The following SLC39A11 variants were observed in gnomAD, a reference collection of about 807,000 sequenced individuals.
The protein encoded by SLC39A11 is zinc transporter ZIP11.
Under a neutral mutation model 36.1 loss-of-function variants are expected in SLC39A11, and 33 were observed. That is an observed-to-expected ratio of 0.91 (90% CI 0.69 to 1.22). The LOEUF is 1.22. Ranked by LOEUF, SLC39A11 falls within the 50% of genes most tolerant of loss-of-function variation. SLC39A11 has a pLI of 0.00. For synonymous variants in SLC39A11, 166 were observed against 170.3 expected (o/e 0.97, Z 0.20); for missense variants, 432 against 430.3 (o/e 1.00, Z -0.03).
At chr17:72,698,597 A>T (rs1259166433) in intron 7 of SLC39A11, among the ~76,000 whole-genome samples, 1 of 152,168 alleles carries the variant, frequency 6.6e-6, no homozygotes, top group Non-Finnish European at 1.5e-5. Context: ...AAAAGAAAAG[A>T]CAAAAAGAAA....
intron 5 of SLC39A11, among the ~76,000 whole-genome samples, chr17:72,867,037 A>G (rs537026357): frequency 1.3e-5 from 2 of 152,342 alleles, no homozygotes; most frequent in Admixed American, 6.5e-5. Flanking sequence ...AACAAAAACA[A>G]TAACAATACT....
chr17:72,928,089 C>T (rs141644382), intron 5 of SLC39A11, among the ~76,000 whole-genome samples: 117 of 152,268 alleles, frequency 7.7e-4, no homozygotes, highest in East Asian at 7.3e-3. Flanking sequence ...CCAGGCCTAA[C>T]GATTGGATTC....
chr17:72,912,901 G>A (rs1385604818), intron 5 of SLC39A11, among the ~76,000 whole-genome samples: 2 of 152,056 alleles, frequency 1.3e-5, no homozygotes, highest in Admixed American at 6.6e-5. Context: ...ATTGGCAATC[G>A]GCTCAAGAGT....
intron 6 of SLC39A11, among the ~76,000 whole-genome samples, chr17:72,802,393 C>T (rs2077116810): frequency 6.6e-6 from 1 of 151,748 alleles, no homozygotes; most frequent in Admixed American, 6.6e-5. Flanking sequence ...AGTTTGAGAC[C>T]AGCCTGACCA....
chr17:73,040,877 C>T (rs1384533801), intron 3 of SLC39A11, among the ~76,000 whole-genome samples: 1 of 151,262 alleles, frequency 6.6e-6, no homozygotes, highest in Non-Finnish European at 1.5e-5. Flanking sequence ...CCCAGCTGCT[C>T]GGAAGGCTGA....
chr17:72,664,546 T>C (rs1300355446), intron 7 of SLC39A11, among the ~76,000 whole-genome samples: 2 of 152,214 alleles, frequency 1.3e-5, no homozygotes, highest in Non-Finnish European at 2.9e-5. Flanking sequence ...TCCATGGCTA[T>C]ACTAAGGTGC....
chr17:72,781,032 T>C (rs1016134861), intron 6 of SLC39A11, among the ~76,000 whole-genome samples: 9 of 152,324 alleles, frequency 5.9e-5, no homozygotes, highest in South Asian at 4.1e-4. Context: ...CTTATTTCTT[T>C]ACAGTCCACA....
At chr17:72,845,993 C>A (rs56324687) in intron 6 of SLC39A11, among the ~76,000 whole-genome samples, 127,989 of 145,578 alleles carry the variant, frequency 0.88, 56,524 homozygotes, top group East Asian at 0.96. Flanking sequence ...ATCTTTCAAA[C>A]CAATGAATCT....
At chr17:73,065,140 C>T (rs2059961410) in intron 3 of SLC39A11, among the ~76,000 whole-genome samples, 1 of 152,172 alleles carries the variant, frequency 6.6e-6, no homozygotes, top group African/African-American at 2.4e-5. Context: ...CTCAGTGGCT[C>T]ACGTCTGTAA....
intron 7 of SLC39A11, among the ~76,000 whole-genome samples, chr17:72,718,396 G>T (rs1050347346): frequency 6.6e-6 from 1 of 152,130 alleles, no homozygotes; most frequent in African/African-American, 2.4e-5. Flanking sequence ...CTGAGATCAG[G>T]CCACTGCACC....
At chr17:72,715,504 C>A (rs1157824817) in intron 7 of SLC39A11, among the ~76,000 whole-genome samples, 2 of 152,134 alleles carry the variant, frequency 1.3e-5, no homozygotes, top group Non-Finnish European at 2.9e-5. Context: ...AACATGATGA[C>A]CCCTGAGGAC....
At position 72,944,443 on chromosome 17, in the gene SLC39A11, G is replaced by C. The variant is rs139800765; in HGVS notation, c.430+3309C>G. On this transcript the variant is annotated intron_variant, in intron 5 of 9. Coordinates refer to ENST00000255559, the MANE Select transcript of SLC39A11 (RefSeq NM_139177.4). ...TTGACAGCTGAGTGGGGACAACTGA[G>C]ACAGAGAAGCCCAAGATCTTGAACA... Among the ~76,000 whole-genome samples the C allele has an allele frequency of 2.5e-3, 383 of 152,306 alleles. 3 individuals are homozygous for C. The highest frequency in any genetic ancestry group is 8.5e-3 in the African/African-American group (353 of 41,562).
intron 6 of SLC39A11, among the ~76,000 whole-genome samples, chr17:72,808,196 G>C (rs936429001): frequency 6.6e-6 from 1 of 152,198 alleles, no homozygotes; most frequent in Non-Finnish European, 1.5e-5. Flanking sequence ...GGGGCCTGTT[G>C]GGTGGGGAAC....
chr17:72,675,735 G>A (rs1207469969), intron 7 of SLC39A11, among the ~76,000 whole-genome samples: 4 of 152,154 alleles, frequency 2.6e-5, no homozygotes, highest in Non-Finnish European at 5.9e-5. Flanking sequence ...CCAGGCTGGA[G>A]TGCAATGGCG....
chr17:72,753,889 C>CG, intron 6 of SLC39A11, among the ~76,000 whole-genome samples: 1 of 51,932 alleles, frequency 1.9e-5, no homozygotes, highest in South Asian at 7.2e-4. Context: ...AGTCATTATA[C>CG]AAAAAAAAAA....
intron 6 of SLC39A11, among the ~76,000 whole-genome samples, chr17:72,780,632 C>T (rs1295928858): frequency 6.6e-6 from 1 of 152,110 alleles, no homozygotes; most frequent in African/African-American, 2.4e-5. Flanking sequence ...ACCATAACTG[C>T]TCTTTCGCTT....
intron 6 of SLC39A11, among the ~76,000 whole-genome samples, chr17:72,846,016 CTCTT>C (rs2079034147): frequency 1.2e-5 from 1 of 85,318 alleles, no homozygotes; most frequent in African/African-American, 5.0e-5. Context: ...CTCTCTCTCT[CTCTT>C]TTTTTTTTTT....
At chr17:72,744,600 A>G (rs2074852564) in intron 6 of SLC39A11, among the ~76,000 whole-genome samples, 1 of 149,740 alleles carries the variant, frequency 6.7e-6, no homozygotes, top group Non-Finnish European at 1.5e-5. Context: ...GGAGGCTGAG[A>G]AGTCTGAGAT....
intron 4 of SLC39A11, among the ~76,000 whole-genome samples, chr17:72,989,658 A>C (rs2089029226): frequency 6.6e-6 from 1 of 152,216 alleles, no homozygotes; most frequent in Non-Finnish European, 1.5e-5. Flanking sequence ...TAGTTTATCA[A>C]GCTGGCTTTG....
Sources: gnomAD v4.1 joint callset for allele counts (sites outside exome capture counted in the v4.1 genomes callset) on GRCh38, gnomAD v4.1.1 for gene constraint, MANE v1.5 for transcripts, NCBI Gene and HGNC (gene_info 2026-07-23, HGNC 2026-07-21) for gene names.